The following PTPRD variants were observed in gnomAD, a reference collection of about 807,000 sequenced individuals.
PTPRD encodes protein tyrosine phosphatase receptor type D, also known as receptor-type tyrosine-protein phosphatase delta.
Under a neutral mutation model 214.5 loss-of-function variants are expected in PTPRD, and 34 were observed. The observed-to-expected ratio is 0.16, with a 90% CI of 0.12 to 0.21. The LOEUF is 0.21. Among genes scored for constraint, PTPRD ranks in the 10% least tolerant of loss-of-function variants. The probability of loss-of-function intolerance (pLI) is 1.00; values close to 1 mark genes in which losing one functional copy is unlikely to be tolerated. For synonymous variants in PTPRD, 1,128 were observed against 845.7 expected (o/e 1.33, Z -5.79); for missense variants, 2,545 against 2,398.7 (o/e 1.06, Z -1.27).
intron 14 of PTPRD, among the ~76,000 whole-genome samples, chr9:8,612,253 T>G (rs888346758): frequency 6.6e-6 from 1 of 152,226 alleles, no homozygotes; most frequent in Non-Finnish European, 1.5e-5. Flanking sequence ...CTTTACACGA[T>G]TCATCCAGTA....
At chr9:9,154,075 A>G (rs781383448) in intron 10 of PTPRD, among the ~76,000 whole-genome samples, 11 of 152,068 alleles carry the variant, frequency 7.2e-5, no homozygotes, top group Admixed American at 2.0e-4. Context: ...GTGGTGCTTG[A>G]TTTGTCTGCT....
At chr9:10,565,534 G>T (rs989139587) in intron 2 of PTPRD, among the ~76,000 whole-genome samples, 3 of 152,128 alleles carry the variant, frequency 2.0e-5, no homozygotes, top group Middle Eastern at 6.8e-3. Flanking sequence ...TTAGGAGATT[G>T]TGTTTATAGT....
At chr9:8,589,708 G>A (rs1435673083) in intron 14 of PTPRD, among the ~76,000 whole-genome samples, 1 of 152,080 alleles carries the variant, frequency 6.6e-6, no homozygotes, top group Non-Finnish European at 1.5e-5. Context: ...CCTGGTACTT[G>A]GTTGCGTTGG....
intron 2 of PTPRD, among the ~76,000 whole-genome samples, chr9:10,501,079 G>C (rs568205977): frequency 5.3e-4 from 81 of 151,956 alleles, no homozygotes; most frequent in African/African-American, 1.8e-3. Flanking sequence ...TGTATCTTAT[G>C]GTAGCTCTAT....
rs531362962 is a variant in PTPRD, at chr9:10,107,469, G to T, written c.-544-73679C>A. ...AATTGCCGTTAGAATGACCCCCAGA[G>T]TTTATTGATTAACTTTGCCACTTAC... On this transcript the variant is annotated intron_variant, in intron 3 of 45. Transcript: ENST00000381196. Among the ~76,000 whole-genome samples the T allele has an allele frequency of 1.5e-4, 23 of 152,156 alleles. No individual in the cohort carries two copies. In the South Asian group the frequency reaches 4.4e-3, roughly 29 times the overall value.
chr9:8,327,622 T>TAA (rs1362417792), intron 44 of PTPRD, among the ~76,000 whole-genome samples: 1 of 152,142 alleles, frequency 6.6e-6, no homozygotes, highest in East Asian at 1.9e-4. Context: ...ATCTGTCTAA[T>TAA]ATTGACAGTG....
intron 8 of PTPRD, among the ~76,000 whole-genome samples, chr9:9,433,864 T>G (rs938341744): frequency 6.6e-6 from 1 of 152,300 alleles, no homozygotes; most frequent in East Asian, 1.9e-4. Flanking sequence ...TTGTATCTGA[T>G]AGAGACAGAT....
chr9:8,636,394 C>T (rs1346559400), intron 13 of PTPRD, among the ~76,000 whole-genome samples: 2 of 152,144 alleles, frequency 1.3e-5, no homozygotes, highest in Non-Finnish European at 2.9e-5. Context: ...AGCTTTCATA[C>T]ATCCTACAGA....
chr9:8,772,510 G>A (rs1407043060), intron 11 of PTPRD, among the ~76,000 whole-genome samples: 1 of 152,036 alleles, frequency 6.6e-6, no homozygotes, highest in African/African-American at 2.4e-5. Flanking sequence ...TCAGCTTGGT[G>A]TAGTGGTGCA....
chr9:10,250,902 G>A (rs989996298), intron 3 of PTPRD, among the ~76,000 whole-genome samples: 1 of 151,686 alleles, frequency 6.6e-6, no homozygotes, highest in African/African-American at 2.4e-5. Context: ...TTTGTATACT[G>A]GCATCCACAT....
rs2096949875 is a variant in PTPRD, at chr9:8,484,176, T to G, written c.3356A>C (p.Asn1119Thr). Reference protein sequence around the residue: ...RTKPAFIGKTNLDGMITVQLP... With the variant: ...RTKPAFIGKTTLDGMITVQLP... ...TTGCACAGTAATCATGCCATCCAAG[T>G]TGGTCTTCCCAATGAAGGCAGGCTT... The change falls in exon 30 of 46, where the codon AAC (asparagine) becomes ACC (threonine). Residue 1119 changes from asparagine to threonine, a missense_variant. By Grantham distance (65) the Asn-to-Thr change is moderately conservative (BLOSUM62 0). Transcript: ENST00000381196. The G allele has an allele frequency of 6.2e-7, 1 of 1,614,196 alleles. No homozygotes were observed. The highest frequency in any genetic ancestry group is 8.5e-7 in the Non-Finnish European group (1 of 1,180,026).
At chr9:8,896,656 C>T (rs1183822710) in intron 11 of PTPRD, among the ~76,000 whole-genome samples, 1 of 152,146 alleles carries the variant, frequency 6.6e-6, no homozygotes, top group African/African-American at 2.4e-5. Flanking sequence ...AATATCATCC[C>T]ATAGTCTGTG....
intron 3 of PTPRD, among the ~76,000 whole-genome samples, chr9:10,034,571 C>T (rs545268871): frequency 6.6e-6 from 1 of 151,922 alleles, no homozygotes; most frequent in Non-Finnish European, 1.5e-5. Context: ...CCTCTCCCTC[C>T]TCTCAACCTC....
intron 44 of PTPRD, among the ~76,000 whole-genome samples, chr9:8,330,477 C>T (rs192734175): frequency 3.5e-4 from 53 of 152,232 alleles, no homozygotes; most frequent in Admixed American, 7.2e-4. Flanking sequence ...ACTCCCATAA[C>T]GTCTCTGAGG....
chr9:9,555,096 A>G (rs1292759496), intron 8 of PTPRD, among the ~76,000 whole-genome samples: 1 of 152,062 alleles, frequency 6.6e-6, no homozygotes, highest in Non-Finnish European at 1.5e-5. Context: ...CATAATGTGA[A>G]ACATTTCAGA....
chr9:9,057,370 C>T (rs2099698266), intron 10 of PTPRD, among the ~76,000 whole-genome samples: 1 of 152,048 alleles, frequency 6.6e-6, no homozygotes, highest in African/African-American at 2.4e-5. Flanking sequence ...TGCCCTCAAG[C>T]CCCACCCATC....
intron 5 of PTPRD, among the ~76,000 whole-genome samples, chr9:9,898,617 G>T (rs1477502929): frequency 3.3e-5 from 5 of 152,062 alleles, no homozygotes; most frequent in Non-Finnish European, 5.9e-5. Flanking sequence ...TCTTTTGTGT[G>T]GTTGCTGCAC....
intron 12 of PTPRD, among the ~76,000 whole-genome samples, chr9:8,641,035 GAGGGATAT>G (rs1217148928): frequency 1.4e-4 from 21 of 148,268 alleles, no homozygotes; most frequent in Non-Finnish European, 1.5e-5. Context: ...TTTATTCTCA[GAGGGATAT>G]AACAACACAC....
At chr9:10,114,129 CT>C (rs1173762938) in intron 3 of PTPRD, among the ~76,000 whole-genome samples, 2 of 152,084 alleles carry the variant, frequency 1.3e-5, no homozygotes, top group Admixed American at 6.6e-5. Flanking sequence ...AATCAAAGCA[CT>C]GTAAAGGTGG....
Sources: gnomAD v4.1 joint callset for allele counts (sites outside exome capture counted in the v4.1 genomes callset) on GRCh38, gnomAD v4.1.1 for gene constraint, MANE v1.5 for transcripts, NCBI Gene and HGNC (gene_info 2026-07-23, HGNC 2026-07-21) for gene names.